ACAT1: variants seen among roughly 807,000 people sequenced by gnomAD.
ACAT1 encodes the protein acetyl-CoA acetyltransferase 1, also known as acetyl-CoA acetyltransferase, mitochondrial.
ACAT1 carries 28 observed loss-of-function variants against 47.3 expected under a neutral mutation model. The ratio of observed to expected loss-of-function variants is 0.59; its 90% CI spans 0.44 to 0.81. The LOEUF is 0.81. Ranked by LOEUF, ACAT1 falls within the 30% of genes least tolerant of loss-of-function variation. The pLI is 0.00. For synonymous variants in ACAT1, 181 were observed against 173.6 expected (o/e 1.04, Z -0.34); for missense variants, 469 against 524.3 (o/e 0.89, Z 1.03).
chr11:108,131,428 T>C (rs2077358529), intron 1 of ACAT1, among the ~76,000 whole-genome samples: 1 of 146,542 alleles, frequency 6.8e-6, no homozygotes, highest in African/African-American at 2.5e-5. Context: ...CTTGGCTCAC[T>C]GCAACCTCCG....
At chr11:108,133,239 A>G (rs879838389) in intron 2 of ACAT1, among the ~76,000 whole-genome samples, 5 of 152,116 alleles carry the variant, frequency 3.3e-5, no homozygotes, top group Admixed American at 3.3e-4. Context: ...GTTAAGTGGT[A>G]TTGCCCCACC....
chr11:108,118,341 A>T (rs1286018690), upstream of ACAT1, among the ~76,000 whole-genome samples: 1 of 151,774 alleles, frequency 6.6e-6, no homozygotes, highest in East Asian at 1.9e-4. Flanking sequence ...CCAACACTCC[A>T]TTTCTATTTC....
chr11:108,144,204 AC>A, intron 10 of ACAT1, 157 bp downstream of exon 10: 1 of 778,108 alleles, frequency 1.3e-6, no homozygotes, highest in African/African-American at 1.8e-5. Flanking sequence ...AGTAAGAGCA[AC>A]AAGGATAACA....
In ACAT1 at chr11:108,141,603, A is replaced by T. The variant is rs752216720; in HGVS notation, c.731-2A>T. 1 of 1,609,298 alleles carries T rather than the reference A, an allele frequency of 6.2e-7. No homozygotes were observed. Among genetic ancestry groups the T allele is most frequent in the South Asian group, 1.1e-5 (1 of 90,976 alleles). ...ATTTTACTTAAAATATTTTTATTTT[A>T]GGTCAACCAGATGTAGTGGTGAAAG... On this transcript the variant is annotated splice_acceptor_variant, in intron 7 of 11. Transcript: ENST00000265838. LOFTEE classifies it high-confidence loss of function.
chr11:108,131,372 T>TTTTTTTA (rs1555031491), intron 1 of ACAT1, among the ~76,000 whole-genome samples: 3 of 142,360 alleles, frequency 2.1e-5, no homozygotes, highest in African/African-American at 7.8e-5. Context: ...TTTTTTTTTT[T>TTTTTTTA]AGACAGTCTT....
intron 5 of ACAT1, chr11:108,138,693 A>T (rs1320578430): frequency 1.6e-6 from 1 of 611,248 alleles, no homozygotes; most frequent in East Asian, 3.1e-5. Flanking sequence ...CACTGCACCC[A>T]GCCAACTTAT....
chr11:108,123,082 A>ACACAC (rs553625366), intron 1 of ACAT1, among the ~76,000 whole-genome samples: 1 of 139,766 alleles, frequency 7.2e-6, no homozygotes, highest in Non-Finnish European at 1.6e-5. Flanking sequence ...CACACACACA[A>ACACAC]AAATTAGCTG....
intron 5 of ACAT1, among the ~76,000 whole-genome samples, chr11:108,137,759 T>C (rs923819646): frequency 1.1e-4 from 16 of 151,728 alleles, no homozygotes; most frequent in African/African-American, 3.4e-4. Context: ...CTGGGTGATA[T>C]AGTGAAACCC....
intron 2 of ACAT1, among the ~76,000 whole-genome samples, chr11:108,132,869 A>G (rs1247921771): frequency 3.4e-5 from 5 of 147,438 alleles, no homozygotes; most frequent in African/African-American, 7.7e-5. Flanking sequence ...AAAAAAAAAA[A>G]AAAAAAAAAA....
chr11:108,132,069 TTA>T, intron 2 of ACAT1, 115 bp downstream of exon 2: 1 of 633,016 alleles, frequency 1.6e-6, no homozygotes, highest in Non-Finnish European at 2.9e-6. Context: ...TATGTAACAG[TTA>T]GGAATAGCTA....
At chr11:108,131,772 T>G (rs895573022) in intron 1 of ACAT1, 135 bp from the exon 2 acceptor site, 1 of 364,102 alleles carries the variant, frequency 2.7e-6, no homozygotes, top group Non-Finnish European at 5.0e-6. Flanking sequence ...AAGTGATATA[T>G]TCTGACCACA....
At chr11:108,143,126 A>G (rs1199078720) in intron 9 of ACAT1, 1 of 154,600 alleles carries the variant, frequency 6.5e-6, no homozygotes, top group Non-Finnish European at 1.4e-5. Context: ...CCTGGGCAAC[A>G]CAGTGAGACC....
In ACAT1 at chr11:108,135,162, T is replaced by C; in HGVS notation, c.355T>C (p.Cys119Arg). 1 of 1,613,720 alleles carries C rather than the reference T, an allele frequency of 6.2e-7. No individual in the cohort carries two copies. Among genetic ancestry groups the C allele is most frequent in the Non-Finnish European group, 8.5e-7 (1 of 1,179,702 alleles). Reference sequence around the variant, plus strand: ...TTTAGGCTTACCTATTTCTACTCCATGTACCACCATAAACAAAGTTTGTGC... The same window carrying C: ...TTTAGGCTTACCTATTTCTACTCCACGTACCACCATAAACAAAGTTTGTGC... ...LGAGLPISTP[C>R]TTINKVCASG... Residue 119 changes from cysteine (C) to arginine (R), a missense_variant, in exon 5 of 12, where the codon TGT becomes CGT. Physicochemically the swap from Cys to Arg is radical, Grantham distance 180. Coordinates refer to ENST00000265838, the MANE Select transcript of ACAT1 (RefSeq NM_000019.4).
chr11:108,117,075 A>T (rs923208437), upstream of ACAT1, among the ~76,000 whole-genome samples: 1 of 152,108 alleles, frequency 6.6e-6, no homozygotes, highest in Non-Finnish European at 1.5e-5. Context: ...CAGAGGAAGA[A>T]GTTTGAGGCA....
In ACAT1 at chr11:108,147,574, C is replaced by T. The variant is rs773032425; in HGVS notation, c.*184C>T. On this transcript the variant is annotated 3_prime_UTR_variant, in exon 12 of 12. Coordinates refer to ENST00000265838, the MANE Select transcript of ACAT1 (RefSeq NM_000019.4). ...TTTTGAAATTAAAAATAAATTTCTT[C>T]TTCTGCTTTTTTCTTGGTAACCTTG... The T allele has an allele frequency of 1.2e-6, 1 of 823,478 alleles. No homozygotes were observed. The highest frequency in any genetic ancestry group is 1.8e-6 in the Non-Finnish European group (1 of 561,532). 51.0% of individuals were successfully genotyped at this position (823,478 alleles called of 1,614,324 possible). A position where few individuals can be genotyped will look rare whatever the true frequency, so the allele number is the denominator to read the frequency against.
At chr11:108,131,312 C>CA (rs2077352302) in intron 1 of ACAT1, among the ~76,000 whole-genome samples, 1 of 138,990 alleles carries the variant, frequency 7.2e-6, no homozygotes, top group African/African-American at 2.6e-5. Context: ...AGCTTTAACT[C>CA]AAAACTACAT....
At position 108,147,327 on chromosome 11, in the gene ACAT1, C is replaced by T. The variant is rs367713788; in HGVS notation, c.1221C>T (p.Tyr407=). ...CTCATGCCTTGAAGCAAGGAGAATA[C>T]GGTCTTGCCAGTATTTGCAATGGAG... is the stretch of plus-strand genomic sequence containing the variant. ...HLTHALKQGE[Y]GLASICNGGG... The change falls in exon 12 of 12, where the codon TAC becomes TAT. Residue 407 remains tyrosine, a synonymous_variant. Transcript: ENST00000265838. 4.1e-5 allele frequency: 66 copies of T among 1,613,490 alleles called. No homozygotes were observed. The highest frequency in any genetic ancestry group is 8.3e-5 in the Admixed American group (5 of 59,970).
intron 7 of ACAT1, among the ~76,000 whole-genome samples, chr11:108,141,025 A>AG (rs1470511519): frequency 6.6e-6 from 1 of 151,948 alleles, no homozygotes; most frequent in East Asian, 1.9e-4. Flanking sequence ...CAGGAGTTTG[A>AG]GACCAGCCTG....
intron 6 of ACAT1, 57 bp from the exon 7 acceptor site, chr11:108,140,008 A>C (rs1364476781): frequency 6.4e-7 from 1 of 1,554,104 alleles, no homozygotes; most frequent in Non-Finnish European, 8.8e-7. Flanking sequence ...GGCAAAGTTA[A>C]TAGATATTTT....
Sources: allele counts gnomAD v4.1 joint callset (sites outside exome capture counted in the v4.1 genomes callset), GRCh38; gene constraint gnomAD v4.1.1; transcripts MANE v1.5; gene names NCBI Gene and HGNC (gene_info 2026-07-23, HGNC 2026-07-21).